SCAPER: variants seen among roughly 807,000 people sequenced by gnomAD.
SCAPER encodes S phase cyclin A-associated protein in the endoplasmic reticulum.
In SCAPER, 98 loss-of-function variants were observed where a neutral mutation model predicts 182.2. The ratio of observed to expected loss-of-function variants is 0.54; its 90% CI spans 0.46 to 0.64. The LOEUF (loss-of-function observed/expected upper bound fraction) is 0.64, where lower values mean the gene tolerates loss of function less well. SCAPER is among the 30% of genes least tolerant of loss of function. The probability of loss-of-function intolerance (pLI) is 0.00; values close to 1 mark genes in which losing one functional copy is unlikely to be tolerated. For missense variants in SCAPER, 1,432 were observed against 1,690.0 expected (o/e 0.85, Z 2.68); for synonymous variants, 605 against 564.6 (o/e 1.07, Z -1.01).
At chr15:76,891,614 G>C (rs1045990327) in intron 1 of SCAPER, among the ~76,000 whole-genome samples, 6 of 152,150 alleles carry the variant, frequency 3.9e-5, no homozygotes, top group Admixed American at 2.6e-4. Context: ...AAGGGATTTT[G>C]AAGAACCTCT....
At chr15:76,848,368 G>A (rs1289184015) in intron 4 of SCAPER, among the ~76,000 whole-genome samples, 32 of 135,980 alleles carry the variant, frequency 2.4e-4, no homozygotes, top group Middle Eastern at 4.0e-3. Context: ...TCGCTCTGTC[G>A]CCCAGGCTGG....
chr15:76,651,827 A>C (rs1335378786), intron 21 of SCAPER, among the ~76,000 whole-genome samples: 2 of 151,804 alleles, frequency 1.3e-5, no homozygotes, highest in African/African-American at 4.8e-5. Flanking sequence ...AAAAAAAAAA[A>C]AAACTTCAGA....
chr15:76,798,848 T>G (rs2065531230), intron 7 of SCAPER, among the ~76,000 whole-genome samples: 1 of 151,956 alleles, frequency 6.6e-6, no homozygotes, highest in Admixed American at 6.6e-5. Flanking sequence ...ACCGAGAACA[T>G]CTGTTCCTAA....
intron 21 of SCAPER, among the ~76,000 whole-genome samples, chr15:76,632,882 C>T (rs1292210153): frequency 6.7e-6 from 1 of 148,914 alleles, no homozygotes; most frequent in Non-Finnish European, 1.5e-5. Context: ...TCCAGCAATT[C>T]TCCTGCCTCA....
chr15:76,434,240 G>A lies in SCAPER; in HGVS notation c.3149C>T (p.Thr1050Ile). 1 of 1,613,810 alleles carries A rather than the reference G, an allele frequency of 6.2e-7. No individual in the cohort carries two copies. The highest frequency in any genetic ancestry group is 8.5e-7 in the Non-Finnish European group (1 of 1,179,832). Residue 1050 changes from threonine to isoleucine, a missense_variant, in exon 26 of 32, where the codon ACA becomes ATA. Physicochemically the swap from Thr to Ile is moderately conservative, Grantham distance 89 (BLOSUM62 -1). Transcript: ENST00000563290. ...NTNKQVFEGLTTGLLKVSAVV... is the reference protein window; with the variant it reads ...NTNKQVFEGLITGLLKVSAVV... ...AGCACTGACTTTGAGAAGTCCAGTT[G>A]TCAAGCCTTCAAAAACTTGTTTATT...
intron 26 of SCAPER, among the ~76,000 whole-genome samples, chr15:76,412,015 G>A (rs528894150): frequency 6.6e-6 from 1 of 152,204 alleles, no homozygotes; most frequent in African/African-American, 2.4e-5. Flanking sequence ...TTTTCTGCTA[G>A]AAGTCTTATG....
At chr15:76,487,746 C>T (rs1020944293) in intron 24 of SCAPER, among the ~76,000 whole-genome samples, 5 of 152,128 alleles carry the variant, frequency 3.3e-5, no homozygotes, top group Admixed American at 6.5e-5. Context: ...TTTTAATCTC[C>T]TGCAATTCTT....
In SCAPER at chr15:76,604,140, G is replaced by C. The variant is rs1460775146; in HGVS notation, c.2711+17624C>G. The stretch of plus-strand genomic sequence containing the variant: ...ATGGTATTGCCTAGGTTTTCTTCTA[G>C]GGTTTTTATGGTTTTAGGTCTAACC... On this transcript the variant is annotated intron_variant, in intron 22 of 31. Coordinates refer to ENST00000563290, the MANE Select transcript of SCAPER (RefSeq NM_020843.4). Among the ~76,000 whole-genome samples, 2 of 120,316 alleles carry C rather than the reference G, an allele frequency of 1.7e-5. 1 individual carries two copies. Among genetic ancestry groups the C allele is most frequent in the Non-Finnish European group, 4.0e-5 (2 of 49,624 alleles). The allele number at this position is 120,316 out of a possible 152,430, so 78.9% of individuals were successfully genotyped here.
intron 8 of SCAPER, among the ~76,000 whole-genome samples, chr15:76,789,623 T>C (rs1342694277): frequency 4.6e-5 from 7 of 152,212 alleles, no homozygotes; most frequent in Non-Finnish European, 1.0e-4. Flanking sequence ...AAACCTTCAG[T>C]GCAAACTATA....
intron 29 of SCAPER, among the ~76,000 whole-genome samples, chr15:76,355,940 T>A (rs923579554): frequency 6.6e-6 from 1 of 152,226 alleles, no homozygotes; most frequent in African/African-American, 2.4e-5. Context: ...TGCAAATGGA[T>A]GTAGGCAGTT....
chr15:76,822,637 A>ATTACCAT (rs1419816843), intron 5 of SCAPER, among the ~76,000 whole-genome samples: 1 of 152,228 alleles, frequency 6.6e-6, no homozygotes, highest in African/African-American at 2.4e-5. Context: ...ATTCACAATG[A>ATTACCAT]TTACCATTGC....
rs555578269 is a variant in SCAPER at position 76,763,759 on chromosome 15, A to G, written c.1725+1202T>C. Among the ~76,000 whole-genome samples, 214 of 152,010 alleles carry G rather than the reference A, an allele frequency of 1.4e-3. 1 individual carries two copies. The highest frequency in any genetic ancestry group is 4.7e-3 in the African/African-American group (195 of 41,444). On this transcript the variant is annotated intron_variant, in intron 14 of 31. Coordinates refer to ENST00000563290, the MANE Select transcript of SCAPER (RefSeq NM_020843.4). ...GTCTGTTGCTGAAGCTCTCTACTGC[A>G]TTTTCTAGTTTCTTCAGTGTATTCT...
chr15:76,769,899 G>A (rs529197556), intron 10 of SCAPER, among the ~76,000 whole-genome samples: 60 of 152,224 alleles, frequency 3.9e-4, no homozygotes, highest in Admixed American at 1.6e-3. Context: ...AAAGACACAC[G>A]CACACGTATG....
At chr15:76,747,080 T>C (rs1228045594) in intron 15 of SCAPER, among the ~76,000 whole-genome samples, 1 of 152,184 alleles carries the variant, frequency 6.6e-6, no homozygotes, top group Non-Finnish European at 1.5e-5. Context: ...GATAACAAAG[T>C]TGGAGGACTC....
chr15:76,511,881 A>ATG (rs1260396759), intron 23 of SCAPER, among the ~76,000 whole-genome samples: 4 of 82,068 alleles, frequency 4.9e-5, no homozygotes, highest in Admixed American at 2.3e-4. Flanking sequence ...GTATATATAT[A>ATG]TATATTTTTT....
chr15:76,396,081 A>C (rs1312469056), intron 27 of SCAPER, among the ~76,000 whole-genome samples: 1 of 152,156 alleles, frequency 6.6e-6, no homozygotes, highest in Non-Finnish European at 1.5e-5. Context: ...AGCATCATTT[A>C]TTGAAGAGAC....
intron 23 of SCAPER, among the ~76,000 whole-genome samples, chr15:76,573,670 C>G (rs1396643980): frequency 6.6e-6 from 1 of 151,840 alleles, no homozygotes; most frequent in Non-Finnish European, 1.5e-5. Context: ...TAACATTTTC[C>G]TATAGTGAAT....
At chr15:76,762,585 T>C (rs1330441072) in intron 14 of SCAPER, among the ~76,000 whole-genome samples, 1 of 152,130 alleles carries the variant, frequency 6.6e-6, no homozygotes, top group Non-Finnish European at 1.5e-5. Flanking sequence ...TTTCATACAG[T>C]GAATCCATTA....
At chr15:76,722,472 C>G (rs1262119199) in intron 17 of SCAPER, among the ~76,000 whole-genome samples, 1 of 152,160 alleles carries the variant, frequency 6.6e-6, no homozygotes, top group Non-Finnish European at 1.5e-5. Context: ...CCCTCTTTTT[C>G]TATTGATTGC....
Sources: allele counts gnomAD v4.1 joint callset (sites outside exome capture counted in the v4.1 genomes callset), GRCh38; gene constraint gnomAD v4.1.1; transcripts MANE v1.5; gene names NCBI Gene and HGNC (gene_info 2026-07-23, HGNC 2026-07-21).